Variants in XIST observed in about 807,000 individuals in gnomAD.
XIST encodes the protein X inactive specific transcript (non-protein coding).
chrX:73,836,701 T>C (rs756012357), intron 2 of XIST, among the ~76,000 whole-genome samples: 1 of 111,802 alleles, frequency 8.9e-6, no homozygotes, highest in Admixed American at 9.6e-5. Flanking sequence ...CATTCACTTC[T>C]TGATTTCTAA....
exon 1 of XIST, chrX:73,851,139 A>C: frequency 1.8e-6 from 1 of 559,514 alleles, no homozygotes; most frequent in Non-Finnish European, 3.2e-6. Flanking sequence ...TGGTTGGGTT[A>C]TGCAGCAATC....
chrX:73,827,851 G>A (rs1228782286), exon 6 of XIST: 2 of 528,606 alleles, frequency 3.8e-6, no homozygotes, highest in African/African-American at 4.5e-5. Context: ...GACCACTCTT[G>A]TGAACAAAAA....
chrX:73,836,381 T>G (rs1357044567), intron 2 of XIST, among the ~76,000 whole-genome samples: 3 of 111,291 alleles, frequency 2.7e-5, no homozygotes, highest in Non-Finnish European at 5.7e-5. Flanking sequence ...AACTTAACCA[T>G]AGAAGCAAAT....
At chrX:73,821,472 T>C (rs1922114637) in exon 6 of XIST, 3 of 555,655 alleles carry the variant, frequency 5.4e-6, no homozygotes, top group Admixed American at 2.2e-5. Context: ...GTTTAGTTGA[T>C]AAGCACTTGG....
chrX:73,846,909 A>G (rs776010279), exon 1 of XIST: 2 of 559,285 alleles, frequency 3.6e-6, no homozygotes, highest in Admixed American at 4.4e-5. Context: ...ACCCAAGTCT[A>G]ATTGAAGGAC....
chrX:73,842,452 T>C (rs747783154), exon 1 of XIST: 16 of 547,276 alleles, frequency 2.9e-5, no homozygotes, highest in African/African-American at 2.5e-4. Flanking sequence ...AGAATGGTTC[T>C]TGTCCCCAGA....
In XIST at chrX:73,845,821, G is replaced by A. The variant is rs772528568; in HGVS notation, n.6903C>T. On this transcript the variant is annotated non_coding_transcript_exon_variant, in exon 1 of 6. Coordinates refer to ENST00000429829, the Ensembl canonical transcript of XIST. ...AGGGAAAGGAAGACTGGGAGTGGGG[G>A]TGGGGGCGGGGGGAAGGCTTCCTTG... 3 of 541,116 alleles carry A rather than the reference G, an allele frequency of 5.5e-6. No individual in the cohort carries two copies. The South Asian group carries it at 6.8e-5, about 12-fold the overall frequency. 44.6% of individuals were successfully genotyped at this position (541,116 alleles called of 1,213,427 possible). A position where few individuals can be genotyped will look rare whatever the true frequency, so the allele number is the denominator to read the frequency against.
At chrX:73,821,991 A>T (rs1489444135) in exon 6 of XIST, 1 of 558,286 alleles carries the variant, frequency 1.8e-6, no homozygotes, top group Non-Finnish European at 3.2e-6. Context: ...TTATCTGAGG[A>T]TTGTTTCTGA....
At chrX:73,845,921 C>T (rs767355422) in exon 1 of XIST, 4 of 556,190 alleles carry the variant, frequency 7.2e-6, no homozygotes, top group East Asian at 3.3e-5. Flanking sequence ...GTGATCAGCA[C>T]CCCTGCTGTA....
At chrX:73,826,531 C>T (rs555063215) in exon 6 of XIST, 4 of 557,408 alleles carry the variant, frequency 7.2e-6, no homozygotes, top group Non-Finnish European at 1.3e-5. Flanking sequence ...TAAAGGTAAC[C>T]GGCAACATCA....
chrX:73,832,562 GAAGT>G (rs1039588152), intron 3 of XIST, among the ~76,000 whole-genome samples: 2 of 111,742 alleles, frequency 1.8e-5, no homozygotes, highest in African/African-American at 3.3e-5. Flanking sequence ...TAATACAGAT[GAAGT>G]TAGTCTTATT....
chrX:73,823,464 G>A, exon 6 of XIST: 1 of 517,030 alleles, frequency 1.9e-6, no homozygotes, highest in Non-Finnish European at 3.5e-6. Flanking sequence ...AGCTGTCAGT[G>A]ATCTAATGCC....
At chrX:73,833,458 C>T (rs1163879212) in intron 2 of XIST, 2 of 475,143 alleles carry the variant, frequency 4.2e-6, no homozygotes, top group Non-Finnish European at 7.4e-6. Context: ...ATGAAAAAAA[C>T]CTAGGAAGTA....
chrX:73,851,632 C>T (rs758569943), exon 1 of XIST: 12 of 557,090 alleles, frequency 2.2e-5, no homozygotes, highest in Non-Finnish European at 3.6e-5. Context: ...AAAGATGATT[C>T]TTACTGCCTC....
At chrX:73,851,890 G>C (rs372745950) in exon 1 of XIST, 37 of 555,969 alleles carry the variant, frequency 6.7e-5, no homozygotes, top group African/African-American at 4.3e-4. Flanking sequence ...CTGCCAAAGC[G>C]GTAGGTACAC....
At chrX:73,843,669 G>T (rs926045768) in exon 1 of XIST, 4 of 556,849 alleles carry the variant, frequency 7.2e-6, no homozygotes, top group Non-Finnish European at 1.3e-5. Flanking sequence ...AGCAAAGGTG[G>T]TACAGGAACA....
chrX:73,843,821 A>G (rs754045397), exon 1 of XIST: 2 of 557,106 alleles, frequency 3.6e-6, no homozygotes, highest in African/African-American at 4.5e-5. Flanking sequence ...TGCACATATT[A>G]ACAGTCCAAA....
At chrX:73,837,603 A>G in intron 1 of XIST, 1 of 461,648 alleles carries the variant, frequency 2.2e-6, no homozygotes. Flanking sequence ...GTTGTGACAA[A>G]TGTACCAAAC....
chrX:73,828,838 A>G, intron 5 of XIST: 1 of 322,245 alleles, frequency 3.1e-6, no homozygotes, highest in South Asian at 7.8e-5. Flanking sequence ...CATAGAACAC[A>G]CAAGCAAAGG....
Sources: gnomAD v4.1 joint callset for allele counts (sites outside exome capture counted in the v4.1 genomes callset) on GRCh38, gnomAD v4.1.1 for gene constraint, MANE v1.5 for transcripts, NCBI Gene and HGNC (gene_info 2026-07-23, HGNC 2026-07-21) for gene names.